The following SCARF2 variants were observed in gnomAD, a reference collection of about 807,000 sequenced individuals.
SCARF2 encodes scavenger receptor expressed by endothelial cells 2 protein.
SCARF2 carries 39 observed loss-of-function variants against 73.4 expected under a neutral mutation model. The ratio of observed to expected loss-of-function variants is 0.53; its 90% CI spans 0.41 to 0.69. The LOEUF (loss-of-function observed/expected upper bound fraction) is 0.69. Among genes scored for constraint, SCARF2 ranks in the 30% least tolerant of loss-of-function variants. The pLI, the probability that SCARF2 is intolerant of heterozygous loss-of-function variation, is 0.00. For synonymous variants in SCARF2, 605 were observed against 590.0 expected (o/e 1.03, Z -0.37); for missense variants, 1,148 against 1,303.5 (o/e 0.88, Z 1.84).
intron 1 of SCARF2, among the ~76,000 whole-genome samples, chr22:20,435,308 C>T (rs1015576153): frequency 6.6e-6 from 1 of 152,212 alleles, no homozygotes; most frequent in Non-Finnish European, 1.5e-5. Context: ...GGATCACTTC[C>T]TCCTTCCCTA....
chr22:20,431,567 G>T (rs773174458), intron 3 of SCARF2, 30 bp from the exon 4 acceptor site: 17 of 1,553,490 alleles, frequency 1.1e-5, no homozygotes, highest in South Asian at 3.5e-5. Context: ...GGGGTGGAAG[G>T]CCCCGGTGCT....
In SCARF2 at chr22:20,425,422, G is replaced by C; in HGVS notation, c.2554C>G (p.Arg852Gly). 2 of 1,432,242 alleles carry C rather than the reference G, an allele frequency of 1.4e-6. No individual in the cohort carries two copies. Among genetic ancestry groups the C allele is most frequent in the Non-Finnish European group, 1.8e-6 (2 of 1,091,100 alleles). The allele number at this position is 1,432,242 out of a possible 1,614,324, so 88.7% of individuals were successfully genotyped here. The change falls in exon 11 of 11, where the codon CGG becomes GGG. Residue 852 changes from arginine (R) to glycine (G), a missense_variant. Coordinates refer to ENST00000622235, the MANE Select transcript of SCARF2 (RefSeq NM_182895.5). The surrounding 1 kb of genome is among the most constrained non-coding windows in gnomAD (Gnocchi z 4.6). Reference protein sequence around the residue: ...PIQKPPRKKSREAAGELGRAG... With the variant: ...PIQKPPRKKSGEAAGELGRAG... ...CTGCCCAGCTCGCCCGCCGCCTCCC[G>C]GCTCTTCTTGCGCGGCGGCTTCTGG...
Position 20,425,809 on chromosome 22 carries a change from G to C in SCARF2, c.2167C>G (p.Pro723Ala). ...GTCGCCTCCTCGGGCAGCCCGGGGG[G>C]CCGCGGCGTTGGGTCGCGGGTCCGG... ...SPRTRDPTPR[P>A]PGLPEEATAL... Residue 723 changes from proline to alanine, a missense_variant, in exon 11 of 11, where the codon CCC becomes GCC. Coordinates refer to ENST00000622235, the MANE Select transcript of SCARF2 (RefSeq NM_182895.5). This position sits in a 1 kb window ranked among gnomAD's most constrained non-coding sequence, Gnocchi z 4.6. 1 of 1,523,660 alleles carries C rather than the reference G, an allele frequency of 6.6e-7. No homozygotes were observed. Among genetic ancestry groups the C allele is most frequent in the Non-Finnish European group, 8.8e-7 (1 of 1,142,184 alleles). The allele number at this position is 1,523,660 out of a possible 1,614,324, so 94.4% of individuals were successfully genotyped here.
chr22:20,431,328 C>T lies in SCARF2; in HGVS notation c.544G>A (p.Ala182Thr), dbSNP rs1335099654. 2 of 1,506,800 alleles carry T rather than the reference C, an allele frequency of 1.3e-6. No homozygotes were observed. The highest frequency in any genetic ancestry group is 1.4e-5 in the African/African-American group (1 of 69,272). The allele number at this position is 1,506,800 out of a possible 1,614,324, so 93.3% of individuals were successfully genotyped here. ...CEPGWWGAQC[A>T]SACYCSATSR... ...GTGGCGCTGCAGTAGCACGCGCTGG[C>T]GCACTGCGCGCCCCACCAGCCGGGC... The change falls in exon 4 of 11, where the codon GCC (alanine) becomes ACC (threonine). Residue 182 changes from alanine to threonine, a missense_variant. Physicochemically the swap from Ala to Thr is moderately conservative, Grantham distance 58. This residue lies in a region of SCARF2 where 372 missense variants were observed against 532.0 expected (regional missense o/e 0.70). Transcript: ENST00000622235.
rs930141549 is a variant in SCARF2, at chr22:20,431,646, C to T, written c.334+99G>A. 8 of 1,539,528 alleles carry T rather than the reference C, an allele frequency of 5.2e-6. No homozygotes were observed. The African/African-American group carries it at 9.6e-5, about 19-fold the overall frequency. ...ACTCCAGCCGCCACCTCTGGGGACC[C>T]GCCCCGAAGGCGGATCCGACCCCGC... On this transcript the variant is annotated intron_variant, in intron 3 of 10. Transcript: ENST00000622235.
chr22:20,431,684 C>G, intron 3 of SCARF2, 61 bp downstream of exon 3: 2 of 1,523,254 alleles, frequency 1.3e-6, no homozygotes, highest in Non-Finnish European at 1.8e-6. Context: ...CACCTTGGAC[C>G]CCGCCCCATC....
chr22:20,429,941 G>A lies in SCARF2; in HGVS notation c.1203-108C>T, dbSNP rs2052623882. ...CCAGGGTCCAGGGTCCCAGAACCGG[G>A]CTCTCTCTCGCTGCATTCGTCGTCT... On this transcript the variant is annotated intron_variant, in intron 6 of 10. Transcript: ENST00000622235. This position sits in a 1 kb window ranked among gnomAD's most constrained non-coding sequence, Gnocchi z 5.2. The A allele has an allele frequency of 7.2e-5, 75 of 1,040,324 alleles. 1 individual carries two copies. The South Asian group carries it at 1.1e-3, about 15-fold the overall frequency. The allele number at this position is 1,040,324 out of a possible 1,614,324, so 64.4% of individuals were successfully genotyped here.
rs1271504408 is a variant in SCARF2, at chr22:20,425,506, G to A, written c.2470C>T (p.Pro824Ser). 7.4e-7 allele frequency: 1 copy of A among 1,358,724 alleles called. No homozygotes were observed. The highest frequency in any genetic ancestry group is 3.3e-5 in the Admixed American group (1 of 30,442). 84.2% of individuals were successfully genotyped at this position (1,358,724 alleles called of 1,614,324 possible). The change falls in exon 11 of 11, where the codon CCT becomes TCT. Residue 824 changes from proline (P) to serine (S), a missense_variant. Pro to Ser is a moderately conservative substitution (Grantham distance 74). This residue lies in a region of SCARF2 where 169 missense variants were observed against 136.9 expected (regional missense o/e 1.23). Coordinates refer to ENST00000622235, the MANE Select transcript of SCARF2 (RefSeq NM_182895.5). This position sits in a 1 kb window ranked among gnomAD's most constrained non-coding sequence, Gnocchi z 4.6. ...GGCAAGTCGGTCGCCGCCTTCTCAGGCCCCGGGGTTTCGGTCGCTGGGGGC... is the reference window on the plus strand; with the variant it reads ...GGCAAGTCGGTCGCCGCCTTCTCAGACCCCGGGGTTTCGGTCGCTGGGGGC... ...RAPPATETPG[P>S]EKAATDLPAP... is the part of the protein sequence containing the mutation.
At position 20,425,953 on chromosome 22, in the gene SCARF2, C is replaced by T. The variant is rs770328442; in HGVS notation, c.2023G>A (p.Ala675Thr). 5 of 1,593,574 alleles carry T rather than the reference C, an allele frequency of 3.1e-6. No homozygotes were observed. The African/African-American group carries it at 6.9e-5, about 22-fold the overall frequency. Residue 675 changes from alanine to threonine, a missense_variant, in exon 11 of 11, where the codon GCT becomes ACT. By Grantham distance (58) the Ala-to-Thr change is moderately conservative. Coordinates refer to ENST00000622235, the MANE Select transcript of SCARF2 (RefSeq NM_182895.5). This position sits in a 1 kb window ranked among gnomAD's most constrained non-coding sequence, Gnocchi z 4.6. Reference sequence around the variant, plus strand: ...GGTGAGGGCGCACGGCCAGCTGCAGCGGCGCTGTGCTTGCCGTGGATCCAG... The same window carrying T: ...GGTGAGGGCGCACGGCCAGCTGCAGTGGCGCTGTGCTTGCCGTGGATCCAG... ...VSWIHGKHSA[A>T]AAGRAPSPPP...
At position 20,426,046 on chromosome 22, in the gene SCARF2, A is replaced by G; in HGVS notation, c.1930T>C (p.Ser644Pro). Residue 644 changes from serine to proline, a missense_variant, in exon 11 of 11, where the codon TCG (serine) becomes CCG (proline). Physicochemically the swap from Ser to Pro is moderately conservative, Grantham distance 74 (BLOSUM62 -1). Transcript: ENST00000622235. ...CTGCGCTCGGGCGATGGCGACAGCGACAGGCCCCCAATCTCGCCCCGGGCC... is the reference window on the plus strand; with the variant it reads ...CTGCGCTCGGGCGATGGCGACAGCGGCAGGCCCCCAATCTCGCCCCGGGCC... ...ARARGEIGGL[S>P]LSPSPERRKP... 6.3e-7 allele frequency: 1 copy of G among 1,575,272 alleles called. No individual in the cohort carries two copies. The highest frequency in any genetic ancestry group is 1.1e-5 in the South Asian group (1 of 88,166).
rs882745 is a variant in SCARF2 at position 20,429,930 on chromosome 22, C to A, written c.1203-97G>T. 3 of 1,231,294 alleles carry A rather than the reference C, an allele frequency of 2.4e-6. No individual in the cohort carries two copies. Among genetic ancestry groups the A allele is most frequent in the Admixed American group, 4.1e-5 (2 of 48,626 alleles). The allele number at this position is 1,231,294 out of a possible 1,614,324, so 76.3% of individuals were successfully genotyped here. Reference sequence around the variant, plus strand: ...GCGGCCAGGGCCCAGGGTCCAGGGTCCCAGAACCGGGCTCTCTCTCGCTGC... The same window carrying A: ...GCGGCCAGGGCCCAGGGTCCAGGGTACCAGAACCGGGCTCTCTCTCGCTGC... On this transcript the variant is annotated intron_variant, in intron 6 of 10. Transcript: ENST00000622235. The surrounding 1 kb of genome is among the most constrained non-coding windows in gnomAD (Gnocchi z 5.2).
chr22:20,428,605 G>A (rs182900650), intron 9 of SCARF2, among the ~76,000 whole-genome samples: 1 of 152,126 alleles, frequency 6.6e-6, no homozygotes, highest in Admixed American at 6.5e-5. Context: ...TGCCCGGCTT[G>A]GCTAAGGGGT....
Position 20,429,592 on chromosome 22 carries a change from C to T in SCARF2, c.1368G>A (p.Leu456=), listed in dbSNP as rs377181150. The T allele has an allele frequency of 1.9e-6, 3 of 1,613,534 alleles. No homozygotes were observed. Among genetic ancestry groups the T allele is most frequent in the African/African-American group, 2.7e-5 (2 of 75,052 alleles). ...AGALLVLLVC[L]LLSLLGCCCA... ...AGCAGCAGCCGAGCAGCGAGAGCAG[C>T]AGGCAGACGAGCAGGACGAGCAGCG... The change falls in exon 8 of 11, where the codon CTG becomes CTA. Residue 456 remains leucine, a synonymous_variant. Coordinates refer to ENST00000622235, the MANE Select transcript of SCARF2 (RefSeq NM_182895.5). The surrounding 1 kb of genome is among the most constrained non-coding windows in gnomAD (Gnocchi z 5.2).
intron 9 of SCARF2, among the ~76,000 whole-genome samples, chr22:20,428,909 TCTC>T (rs2052609958): frequency 6.6e-6 from 1 of 151,852 alleles, no homozygotes; most frequent in African/African-American, 2.4e-5. Flanking sequence ...TATACAGCAT[TCTC>T]CTACAGACTG....
chr22:20,430,963 C>T lies in SCARF2; in HGVS notation c.854+55G>A, dbSNP rs892542385. 4 of 1,562,858 alleles carry T rather than the reference C, an allele frequency of 2.6e-6. No individual in the cohort carries two copies. In the African/African-American group the frequency reaches 4.1e-5, roughly 16 times the overall value. Reference sequence around the variant, plus strand: ...CTGGGACCCGCCTCACCCCTGTCCCCATCGGCGGCCCGCCCTTCCACCTCC... The same window carrying T: ...CTGGGACCCGCCTCACCCCTGTCCCTATCGGCGGCCCGCCCTTCCACCTCC... On this transcript the variant is annotated intron_variant, in intron 4 of 10. Coordinates refer to ENST00000622235, the MANE Select transcript of SCARF2 (RefSeq NM_182895.5).
In SCARF2 at chr22:20,437,606, C is replaced by A; in HGVS notation, c.149G>T (p.Gly50Val). The A allele has an allele frequency of 6.4e-7, 1 of 1,572,742 alleles. No homozygotes were observed. The highest frequency in any genetic ancestry group is 8.6e-7 in the Non-Finnish European group (1 of 1,166,674). The change falls in exon 1 of 11, where the codon GGC becomes GTC. Residue 50 changes from glycine (G) to valine (V), a missense_variant. Transcript: ENST00000622235. ...CCCGGGAGCACGGCACACGTTGCGGCCGCGAGGGTTCAGTTCCTGAGGCGC... is the reference window on the plus strand; with the variant it reads ...CCCGGGAGCACGGCACACGTTGCGGACGCGAGGGTTCAGTTCCTGAGGCGC... Reference protein sequence around the residue: ...TVAPQELNPRGRNVCRAPGSQ... With the variant: ...TVAPQELNPRVRNVCRAPGSQ...
chr22:20,432,647 A>C (rs1360120629), intron 1 of SCARF2, among the ~76,000 whole-genome samples: 1 of 152,184 alleles, frequency 6.6e-6, no homozygotes, highest in Non-Finnish European at 1.5e-5. Context: ...CACGTGCAGG[A>C]GGAAAGTCAA....
At chr22:20,434,179 G>C (rs567725210) in intron 1 of SCARF2, among the ~76,000 whole-genome samples, 1 of 152,276 alleles carries the variant, frequency 6.6e-6, no homozygotes, top group Non-Finnish European at 1.5e-5. Context: ...TATAATCCCA[G>C]CTACTCAGGA....
chr22:20,425,068 C>G lies in SCARF2; in HGVS notation c.*307G>C. 2.9e-6 allele frequency: 1 copy of G among 340,314 alleles called. No individual in the cohort carries two copies. Among genetic ancestry groups the G allele is most frequent in the Non-Finnish European group, 5.3e-6 (1 of 188,330 alleles). 21.1% of individuals were successfully genotyped at this position (340,314 alleles called of 1,614,324 possible). On this transcript the variant is annotated 3_prime_UTR_variant, in exon 11 of 11. Transcript: ENST00000622235. The surrounding 1 kb of genome is among the most constrained non-coding windows in gnomAD (Gnocchi z 4.6). The stretch of plus-strand genomic sequence containing the variant: ...TGGCCAGTAAGAGGCGGTCTTTAAG[C>G]GGAACCCTCCCATCTTTGGCCAATG...
Sources: allele counts gnomAD v4.1 joint callset (sites outside exome capture counted in the v4.1 genomes callset), GRCh38; gene constraint gnomAD v4.1.1; regional missense constraint gnomAD v4.1.1; non-coding constraint Gnocchi (gnomAD v3.1); transcripts MANE v1.5; gene names NCBI Gene and HGNC (gene_info 2026-07-23, HGNC 2026-07-21).